Variants in CCSER1 observed in about 807,000 individuals in gnomAD.
The protein encoded by CCSER1 is coiled-coil serine rich protein 1, also known as serine-rich coiled-coil domain-containing protein 1.
Under a neutral mutation model 82.0 loss-of-function variants are expected in CCSER1, and 41 were observed. The observed-to-expected ratio is 0.50, with a 90% CI of 0.39 to 0.65. The LOEUF is 0.65. Among genes scored for constraint, CCSER1 ranks in the 30% least tolerant of loss-of-function variants. The pLI is 0.00. For missense variants in CCSER1, 1,119 were observed against 1,064.2 expected (o/e 1.05, Z -0.72); for synonymous variants, 414 against 383.9 (o/e 1.08, Z -0.92).
At chr4:90,418,568 T>G (rs947708427) in intron 4 of CCSER1, among the ~76,000 whole-genome samples, 6 of 151,956 alleles carry the variant, frequency 3.9e-5, no homozygotes, top group Admixed American at 3.3e-4. Flanking sequence ...GAGCTTTGAG[T>G]GATAAAGCAT....
At chr4:90,359,873 A>ATG (rs1246066066) in intron 3 of CCSER1, among the ~76,000 whole-genome samples, 12 of 111,682 alleles carry the variant, frequency 1.1e-4, no homozygotes, top group South Asian at 3.7e-4. Flanking sequence ...GTGTATATAT[A>ATG]TGTGTGTATA....
At chr4:90,734,805 G>A (rs1189212933) in intron 7 of CCSER1, among the ~76,000 whole-genome samples, 2 of 152,026 alleles carry the variant, frequency 1.3e-5, no homozygotes, top group East Asian at 1.9e-4. Context: ...AGTTTGGATG[G>A]CTTTTATTTC....
At chr4:91,565,701 G>T (rs1347742530) in intron 10 of CCSER1, among the ~76,000 whole-genome samples, 1 of 152,020 alleles carries the variant, frequency 6.6e-6, no homozygotes, top group African/African-American at 2.4e-5. Context: ...CTCTCAGTTT[G>T]GCTGTTATTG....
chr4:90,225,596 A>G (rs1743019485), intron 1 of CCSER1, among the ~76,000 whole-genome samples: 1 of 152,176 alleles, frequency 6.6e-6, no homozygotes, highest in South Asian at 2.1e-4. Flanking sequence ...CTAATGTCAT[A>G]AGTGCTGGAA....
At chr4:90,935,477 T>A (rs1235774488) in intron 9 of CCSER1, among the ~76,000 whole-genome samples, 1 of 152,134 alleles carries the variant, frequency 6.6e-6, no homozygotes, top group Non-Finnish European at 1.5e-5. Flanking sequence ...AAACCTTTTT[T>A]AAAAATAAAT....
chr4:91,058,174 A>T (rs1180675098), intron 9 of CCSER1, among the ~76,000 whole-genome samples: 1 of 151,136 alleles, frequency 6.6e-6, no homozygotes, highest in African/African-American at 2.4e-5. Flanking sequence ...CCCACCCTTC[A>T]CCCTCTGAGA....
intron 10 of CCSER1, among the ~76,000 whole-genome samples, chr4:91,261,111 C>T (rs937419885): frequency 3.9e-5 from 6 of 152,160 alleles, no homozygotes; most frequent in Non-Finnish European, 7.4e-5. Flanking sequence ...CACCTTATAC[C>T]AATTTAGTCA....
intron 10 of CCSER1, among the ~76,000 whole-genome samples, chr4:91,279,867 A>G (rs1742775027): frequency 6.6e-6 from 1 of 151,802 alleles, no homozygotes; most frequent in Admixed American, 6.6e-5. Context: ...TGTACTAGTC[A>G]CTTCTTTCTA....
At chr4:91,091,797 C>T (rs555689271) in intron 10 of CCSER1, among the ~76,000 whole-genome samples, 9 of 151,938 alleles carry the variant, frequency 5.9e-5, no homozygotes, top group Non-Finnish European at 1.3e-4. Context: ...CCACTGTGGC[C>T]GTAAGGGAGC....
intron 10 of CCSER1, among the ~76,000 whole-genome samples, chr4:91,353,801 CT>C (rs1748642063): frequency 6.6e-6 from 1 of 152,160 alleles, no homozygotes; most frequent in Admixed American, 6.5e-5. Flanking sequence ...AAGCAGGTTC[CT>C]ATTACTATGA....
chr4:90,491,853 C>A (rs142430008), intron 5 of CCSER1, among the ~76,000 whole-genome samples: 2,254 of 152,216 alleles, frequency 0.015, 35 homozygotes, highest in African/African-American at 0.044. Context: ...AGCCTTGCAT[C>A]CCAGGGATGA....
intron 9 of CCSER1, among the ~76,000 whole-genome samples, chr4:91,019,966 A>G (rs936131317): frequency 1.3e-5 from 2 of 152,226 alleles, no homozygotes; most frequent in Admixed American, 1.3e-4. Context: ...GAACGTATAT[A>G]CTTTCAAACT....
At chr4:90,701,827 T>A (rs1738218469) in intron 6 of CCSER1, among the ~76,000 whole-genome samples, 1 of 152,218 alleles carries the variant, frequency 6.6e-6, no homozygotes, top group South Asian at 2.1e-4. Flanking sequence ...TGATTTTGTA[T>A]CCTGAGACTT....
In CCSER1 at chr4:90,589,605, G is replaced by T. The variant is rs1579326616; in HGVS notation, c.1725-38420G>T. On this transcript the variant is annotated intron_variant, in intron 5 of 10. Transcript: ENST00000509176. ...TATTACTATTTTGTAATATGACAAA[G>T]ATCTATTCTTACATTTATTATGATA... Among the ~76,000 whole-genome samples the T allele has an allele frequency of 2.0e-5, 3 of 151,934 alleles. No individual in the cohort carries two copies. In the South Asian group the frequency reaches 6.2e-4, roughly 32 times the overall value.
chr4:90,969,677 A>G (rs2150395184), intron 9 of CCSER1, among the ~76,000 whole-genome samples: 1 of 152,124 alleles, frequency 6.6e-6, no homozygotes, highest in African/African-American at 2.4e-5. Flanking sequence ...AAAATGGTAA[A>G]GGGAGTTCTT....
chr4:90,290,133 A>G (rs1730639671), intron 1 of CCSER1, among the ~76,000 whole-genome samples: 1 of 151,748 alleles, frequency 6.6e-6, no homozygotes, highest in African/African-American at 2.4e-5. Context: ...GTACATTTGA[A>G]TTATTCTCTT....
At chr4:90,506,054 T>C (rs1770633058) in intron 5 of CCSER1, among the ~76,000 whole-genome samples, 1 of 152,222 alleles carries the variant, frequency 6.6e-6, no homozygotes, top group South Asian at 2.1e-4. Context: ...GGATGTTTTA[T>C]TCAACTTCTA....
At chr4:90,401,677 A>G (rs892474506) in intron 4 of CCSER1, among the ~76,000 whole-genome samples, 1 of 151,918 alleles carries the variant, frequency 6.6e-6, no homozygotes, top group African/African-American at 2.4e-5. Flanking sequence ...GGGACTGCAA[A>G]TGCATGCCAC....
At chr4:90,884,050 G>C (rs1721744766) in intron 8 of CCSER1, among the ~76,000 whole-genome samples, 1 of 152,064 alleles carries the variant, frequency 6.6e-6, no homozygotes, top group African/African-American at 2.4e-5. Context: ...GGGTAGAGGA[G>C]GCTGACTGAT....
Sources: allele counts gnomAD v4.1 joint callset (sites outside exome capture counted in the v4.1 genomes callset), GRCh38; gene constraint gnomAD v4.1.1; transcripts MANE v1.5; gene names NCBI Gene and HGNC (gene_info 2026-07-23, HGNC 2026-07-21).